The following DNM3 variants were observed in gnomAD, a reference collection of about 807,000 sequenced individuals.
DNM3 encodes the protein dynamin 3, also known as dynamin-3.
Under a neutral mutation model 101.6 loss-of-function variants are expected in DNM3, and 47 were observed. That is an observed-to-expected ratio of 0.46 (90% CI 0.37 to 0.59). The LOEUF is 0.59. DNM3 is among the 20% of genes least tolerant of loss of function. The pLI is 0.00. For synonymous variants in DNM3, 385 were observed against 387.9 expected (o/e 0.99, Z 0.09); for missense variants, 849 against 1,085.7 (o/e 0.78, Z 3.06).
intron 1 of DNM3, among the ~76,000 whole-genome samples, chr1:171,844,684 A>C (rs757570188): frequency 6.6e-6 from 1 of 152,204 alleles, no homozygotes; most frequent in Admixed American, 6.5e-5. Context: ...ATATAGCATG[A>C]GTAACCAGAT....
chr1:172,037,276 C>T (rs1451425546), intron 6 of DNM3, among the ~76,000 whole-genome samples: 2 of 152,112 alleles, frequency 1.3e-5, no homozygotes, highest in East Asian at 3.9e-4. Context: ...TTGACCCAGC[C>T]ATCCCATTAC....
intron 20 of DNM3, chr1:172,393,512 A>G (rs1319012896): frequency 6.6e-6 from 1 of 152,662 alleles, no homozygotes; most frequent in Non-Finnish European, 1.5e-5. Flanking sequence ...TACACGGACA[A>G]TTAAGCAACT....
intron 13 of DNM3, among the ~76,000 whole-genome samples, chr1:172,119,114 T>A (rs1198108827): frequency 6.6e-6 from 1 of 151,734 alleles, no homozygotes; most frequent in African/African-American, 2.4e-5. Context: ...TGCCTCAGCC[T>A]CCTGAGTAGC....
chr1:172,170,736 A>G (rs116300730), intron 14 of DNM3, among the ~76,000 whole-genome samples: 1 of 151,792 alleles, frequency 6.6e-6, no homozygotes, highest in Non-Finnish European at 1.5e-5. Context: ...CATTCTCTAC[A>G]TCTCACCTTC....
At chr1:171,974,624 C>G (rs2044243443) in intron 2 of DNM3, among the ~76,000 whole-genome samples, 1 of 152,168 alleles carries the variant, frequency 6.6e-6, no homozygotes, top group Non-Finnish European at 1.5e-5. Context: ...TTTCTGTTAG[C>G]ATCATTTAAA....
rs111572205 is a variant in DNM3, at chr1:172,089,348, A to C, written c.1494-3476A>C. 9.8e-3 allele frequency among the ~76,000 whole-genome samples: 1,499 copies of C among 152,302 alleles called. 27 individuals carry two copies. Among genetic ancestry groups the C allele is most frequent in the African/African-American group, 0.034 (1,420 of 41,556 alleles). On this transcript the variant is annotated intron_variant, in intron 12 of 20. Coordinates refer to ENST00000627582, the MANE Select transcript of DNM3 (RefSeq NM_015569.5). Reference sequence around the variant, plus strand: ...TTTATGTTAAACTAAAACACCATACATAGGTATGTTTTATAATATTTCAGA... The same window carrying C: ...TTTATGTTAAACTAAAACACCATACCTAGGTATGTTTTATAATATTTCAGA...
chr1:171,912,742 G>A (rs187699062), intron 1 of DNM3, among the ~76,000 whole-genome samples: 2 of 152,328 alleles, frequency 1.3e-5, no homozygotes, highest in Non-Finnish European at 2.9e-5. Context: ...TTGCAAGGGA[G>A]GCTGGGAAAT....
chr1:171,906,624 C>T (rs1356310220), intron 1 of DNM3, among the ~76,000 whole-genome samples: 4 of 152,092 alleles, frequency 2.6e-5, no homozygotes, highest in Non-Finnish European at 4.4e-5. Context: ...TAATCATTTA[C>T]ATTTTTTAAG....
chr1:171,944,854 CCTTTTTTTTTTTTTTT>C (rs1295263572), intron 2 of DNM3, among the ~76,000 whole-genome samples: 1 of 37,588 alleles, frequency 2.7e-5, no homozygotes, highest in Non-Finnish European at 5.4e-5. Context: ...TTTGGTGTTT[CCTTTTTTTTTTTTTTT>C]TTTTTTTTTT....
intron 14 of DNM3, among the ~76,000 whole-genome samples, chr1:172,176,529 T>C (rs2059158776): frequency 6.6e-6 from 1 of 151,792 alleles, no homozygotes; most frequent in Non-Finnish European, 1.5e-5. Context: ...TTAGTGAGCT[T>C]GGATGTTTCC....
Position 171,913,515 on chromosome 1 carries a change from A to G in DNM3, c.162-8233A>G, listed in dbSNP as rs115030723. On this transcript the variant is annotated intron_variant, in intron 1 of 20. Coordinates refer to ENST00000627582, the MANE Select transcript of DNM3 (RefSeq NM_015569.5). ...AGATTTTGGTAAAATTACTTCCTCTAGCGATTAAAATTGCATTGTAATGGT... is the reference window on the plus strand; with the variant it reads ...AGATTTTGGTAAAATTACTTCCTCTGGCGATTAAAATTGCATTGTAATGGT... Among the ~76,000 whole-genome samples, 354 of 152,326 alleles carry G rather than the reference A, an allele frequency of 2.3e-3. 8 individuals are homozygous for G. Among genetic ancestry groups the G allele is most frequent in the African/African-American group, 7.6e-3 (316 of 41,572 alleles).
chr1:171,992,509 T>C lies in DNM3; in HGVS notation c.589+3361T>C, dbSNP rs1295432113. ...AAATGAGATTAAAAAAAAACTATCA[T>C]AGGCTTGGCTTATTTACAAACTCAT... On this transcript the variant is annotated intron_variant, in intron 4 of 20. Coordinates refer to ENST00000627582, the MANE Select transcript of DNM3 (RefSeq NM_015569.5). 2.0e-5 allele frequency among the ~76,000 whole-genome samples: 3 copies of C among 152,162 alleles called. No homozygotes were observed. In the East Asian group the frequency reaches 5.8e-4, roughly 29 times the overall value.
At chr1:171,977,145 ACT>A (rs1168635110) in intron 2 of DNM3, among the ~76,000 whole-genome samples, 1 of 152,202 alleles carries the variant, frequency 6.6e-6, no homozygotes, top group African/African-American at 2.4e-5. Flanking sequence ...TTATTCAGAA[ACT>A]CTTTTTGATA....
chr1:172,097,846 C>T (rs186083155), intron 13 of DNM3, among the ~76,000 whole-genome samples: 16 of 152,152 alleles, frequency 1.1e-4, no homozygotes, highest in Admixed American at 6.5e-4. Context: ...GCTGGGTGTC[C>T]AGGGGAGATG....
At chr1:172,272,783 T>A (rs2063136259) in intron 15 of DNM3, among the ~76,000 whole-genome samples, 1 of 152,116 alleles carries the variant, frequency 6.6e-6, no homozygotes, top group African/African-American at 2.4e-5. Flanking sequence ...AAAATTATAG[T>A]CATTTCTTTT....
chr1:172,405,238 G>T (rs2070787315), intron 20 of DNM3, among the ~76,000 whole-genome samples: 1 of 151,962 alleles, frequency 6.6e-6, no homozygotes, highest in South Asian at 2.1e-4. Context: ...TAATCACATT[G>T]TACCAAATGC....
chr1:171,917,422 G>T (rs2039803266), intron 1 of DNM3, among the ~76,000 whole-genome samples: 1 of 152,156 alleles, frequency 6.6e-6, no homozygotes, highest in African/African-American at 2.4e-5. Flanking sequence ...ATGTCATCAA[G>T]GTGGTTCTTA....
intron 14 of DNM3, among the ~76,000 whole-genome samples, chr1:172,141,411 C>T (rs969888037): frequency 5.9e-5 from 9 of 151,960 alleles, no homozygotes; most frequent in Non-Finnish European, 1.2e-4. Context: ...ATTATTTTGA[C>T]GTTATTGTGA....
At chr1:171,848,488 ACCAGGTG>A (rs1469778832) in intron 1 of DNM3, among the ~76,000 whole-genome samples, 12 of 152,222 alleles carry the variant, frequency 7.9e-5, no homozygotes, top group African/African-American at 2.9e-4. Flanking sequence ...ATATTTATCC[ACCAGGTG>A]GGCATTAGCT....
Sources: allele counts gnomAD v4.1 joint callset (sites outside exome capture counted in the v4.1 genomes callset), GRCh38; gene constraint gnomAD v4.1.1; transcripts MANE v1.5; gene names NCBI Gene and HGNC (gene_info 2026-07-23, HGNC 2026-07-21).